FYCO1: variants seen among roughly 807,000 people sequenced by gnomAD.
The protein encoded by FYCO1 is FYVE and coiled-coil domain autophagy adaptor 1.
FYCO1 carries 122 observed loss-of-function variants against 165.1 expected under a neutral mutation model. The observed-to-expected ratio is 0.74, with a 90% CI of 0.64 to 0.86. FYCO1 has a LOEUF of 0.86. Among genes scored for constraint, FYCO1 ranks in the 40% least tolerant of loss-of-function variants. The pLI, the probability that FYCO1 is intolerant of heterozygous loss-of-function variation, is 0.00. For missense variants in FYCO1, 1,702 were observed against 1,810.3 expected, an observed-to-expected ratio of 0.94 and a Z score of 1.09; for synonymous variants, 648 against 742.5, an observed-to-expected ratio of 0.87 and a Z score of 2.07.
At chr3:45,981,448 T>A (rs927920738) in intron 3 of FYCO1, 122 bp downstream of exon 3, 11 of 719,240 alleles carry the variant, frequency 1.5e-5, no homozygotes, top group Non-Finnish European at 2.3e-5. Flanking sequence ...ACCTTCAATC[T>A]AACCACGAGG....
In FYCO1 at chr3:45,958,431, C is replaced by G; in HGVS notation, c.3776G>C (p.Gly1259Ala). 6.2e-7 allele frequency: 1 copy of G among 1,612,592 alleles called. No homozygotes were observed. Among genetic ancestry groups the G allele is most frequent in the Non-Finnish European group, 8.5e-7 (1 of 1,179,990 alleles). The change falls in exon 13 of 18, where the codon GGG (glycine) becomes GCG (alanine). Residue 1259 changes from glycine to alanine, a missense_variant. Transcript: ENST00000296137. ...PSPALSPASP[G>A]PQATGGQGAN... ...ACCTTGGCCTCCTGTGGCCTGGGGCCCAGGTGAGGCTGGTGACAGTGCAGG... is the reference window on the plus strand; with the variant it reads ...ACCTTGGCCTCCTGTGGCCTGGGGCGCAGGTGAGGCTGGTGACAGTGCAGG...
chr3:45,965,950 T>C (rs1432697664), intron 8 of FYCO1, among the ~76,000 whole-genome samples: 1 of 152,238 alleles, frequency 6.6e-6, no homozygotes, highest in East Asian at 1.9e-4. Flanking sequence ...TCAAAAGCCC[T>C]CAAACTATAT....
intron 17 of FYCO1, among the ~76,000 whole-genome samples, chr3:45,922,103 C>A (rs1204106287): frequency 6.6e-6 from 1 of 152,240 alleles, no homozygotes; most frequent in Admixed American, 6.5e-5. Flanking sequence ...ACCTCCCTCA[C>A]CTGGCTGCTC....
chr3:45,992,860 A>G (rs1310168217), intron 1 of FYCO1, among the ~76,000 whole-genome samples: 2 of 152,188 alleles, frequency 1.3e-5, no homozygotes, highest in Admixed American at 6.5e-5. Context: ...TTTCTGATTC[A>G]GCTATCCAGC....
chr3:45,973,257 G>C (rs369751765), intron 5 of FYCO1, 26 bp from the exon 6 acceptor site: 3 of 1,610,780 alleles, frequency 1.9e-6, no homozygotes, highest in African/African-American at 2.7e-5. Flanking sequence ...TCAATTATAA[G>C]AGTAATAAAG....
intron 16 of FYCO1, among the ~76,000 whole-genome samples, chr3:45,924,579 T>C (rs1242384142): frequency 6.6e-6 from 1 of 152,154 alleles, no homozygotes; most frequent in Non-Finnish European, 1.5e-5. Context: ...ACTGAAAATA[T>C]TCTAGGAGAT....
chr3:45,944,188 G>GTT (rs1559447504), intron 14 of FYCO1, among the ~76,000 whole-genome samples: 1 of 141,750 alleles, frequency 7.1e-6, no homozygotes, highest in Non-Finnish European at 1.5e-5. Context: ...GTGTGTGTGC[G>GTT]TGTGTGTCTG....
chr3:45,950,113 C>A (rs1383184757), intron 14 of FYCO1, among the ~76,000 whole-genome samples: 2 of 152,122 alleles, frequency 1.3e-5, no homozygotes, highest in African/African-American at 4.8e-5. Context: ...AATCTCAGCC[C>A]ACCCTTCTCC....
intron 14 of FYCO1, among the ~76,000 whole-genome samples, chr3:45,953,199 T>C (rs1705127415): frequency 6.6e-6 from 1 of 152,216 alleles, no homozygotes; most frequent in African/African-American, 2.4e-5. Context: ...GCAGAAATCC[T>C]GAATGATCAA....
chr3:45,948,286 C>T (rs1704768341), intron 14 of FYCO1: 1 of 166,838 alleles, frequency 6.0e-6, no homozygotes, highest in Non-Finnish European at 1.5e-5. Context: ...CACATACACA[C>T]ATATGTCATA....
In FYCO1 at chr3:45,973,335, A is replaced by G; in HGVS notation, c.396-104T>C. Reference sequence around the variant, plus strand: ...TCATCGAATTCCAACTCAGGTTACTAAATTAAAAGACACAGGCACACAAAC... The same window carrying G: ...TCATCGAATTCCAACTCAGGTTACTGAATTAAAAGACACAGGCACACAAAC... On this transcript the variant is annotated intron_variant, in intron 5 of 17. Coordinates refer to ENST00000296137, the MANE Select transcript of FYCO1 (RefSeq NM_024513.4). 4 of 1,140,252 alleles carry G rather than the reference A, an allele frequency of 3.5e-6. No homozygotes were observed. In the South Asian group the frequency reaches 5.1e-5, roughly 15 times the overall value. 70.6% of individuals were successfully genotyped at this position (1,140,252 alleles called of 1,614,324 possible). A position where few individuals can be genotyped will look rare whatever the true frequency, so the allele number is the denominator to read the frequency against.
intron 14 of FYCO1, chr3:45,938,300 C>T (rs1704010280): frequency 8.6e-7 from 1 of 1,164,966 alleles, no homozygotes; most frequent in African/African-American, 1.6e-5. Context: ...GATGCAGTCT[C>T]AAAGGTGACA....
At chr3:45,958,309 A>C in intron 13 of FYCO1, 99 bp downstream of exon 13, 3 of 1,060,078 alleles carry the variant, frequency 2.8e-6, no homozygotes, top group Non-Finnish European at 4.3e-6. Context: ...AGTTTAGAAA[A>C]CACTGAATTC....
chr3:45,955,151 C>G (rs1705237653), intron 14 of FYCO1, 98 bp downstream of exon 14: 16 of 1,410,416 alleles, frequency 1.1e-5, no homozygotes, highest in Non-Finnish European at 1.6e-5. Context: ...GACAGTCAAT[C>G]CTGCTTCCAG....
intron 15 of FYCO1, among the ~76,000 whole-genome samples, chr3:45,935,826 C>A (rs1327718762): frequency 1.3e-5 from 2 of 152,152 alleles, no homozygotes; most frequent in African/African-American, 4.8e-5. Flanking sequence ...ATGCTCTAAG[C>A]ACCTAAAATA....
Position 45,959,539 on chromosome 3 carries a change from G to A in FYCO1, c.3441C>T (p.Asp1147=), listed in dbSNP as rs1347063546. ...LEERLIELLR[D]KDALWQKSDA... is the part of the protein sequence containing the mutation. ...CTGACTTCTGCCAGAGAGCATCCTT[G>A]TCCCTGGGACAAAACCACATTGGAA... The change falls in exon 12 of 18, where the codon GAC becomes GAT. Residue 1147 remains aspartate, a synonymous_variant. Coordinates refer to ENST00000296137, the MANE Select transcript of FYCO1 (RefSeq NM_024513.4). 6.2e-7 allele frequency: 1 copy of A among 1,614,044 alleles called. No homozygotes were observed. Among genetic ancestry groups the A allele is most frequent in the Non-Finnish European group, 8.5e-7 (1 of 1,179,964 alleles).
chr3:45,980,684 G>C (rs1706999790), intron 3 of FYCO1, among the ~76,000 whole-genome samples: 1 of 152,186 alleles, frequency 6.6e-6, no homozygotes, highest in Non-Finnish European at 1.5e-5. Context: ...ACGTGCTTTG[G>C]TGGGATGTGA....
At position 45,962,376 on chromosome 3, in the gene FYCO1, C is replaced by T. The variant is rs148106976; in HGVS notation, c.3286G>A (p.Glu1096Lys). ...TCTTGGATTTTTGTTGTGGCTTTTT[C>T]GAGTTCCTTCTGGGTCCTGGGGGAG... The part of the protein sequence containing the change: ...EDLERTQKEL[E>K]KATTKIQEYY... The change falls in exon 11 of 18, where the codon GAA (glutamate) becomes AAA (lysine). Residue 1096 changes from glutamate (E) to lysine (K), a missense_variant. Coordinates refer to ENST00000296137, the MANE Select transcript of FYCO1 (RefSeq NM_024513.4). The surrounding 1 kb of genome is among the most constrained non-coding windows in gnomAD (Gnocchi z 4.4). 1.2e-5 allele frequency: 20 copies of T among 1,613,966 alleles called. No homozygotes were observed. Among genetic ancestry groups the T allele is most frequent in the African/African-American group, 5.3e-5 (4 of 74,870 alleles).
At chr3:45,946,897 A>G in intron 14 of FYCO1, 1 of 1,614,222 alleles carries the variant, frequency 6.2e-7, no homozygotes, top group Non-Finnish European at 8.5e-7. Context: ...AAGGCCTACA[A>G]CCAGCAAGCC....
Sources: allele counts gnomAD v4.1 joint callset (sites outside exome capture counted in the v4.1 genomes callset), GRCh38; gene constraint gnomAD v4.1.1; non-coding constraint Gnocchi (gnomAD v3.1); transcripts MANE v1.5; gene names NCBI Gene and HGNC (gene_info 2026-07-23, HGNC 2026-07-21).